The following EYS variants were observed in gnomAD, a reference collection of about 807,000 sequenced individuals.
EYS encodes the protein EGF-like photoreceptor maintenance factor.
Under a neutral mutation model 282.1 loss-of-function variants are expected in EYS, and 250 were observed. The ratio of observed to expected loss-of-function variants is 0.89; its 90% CI spans 0.80 to 0.98. The LOEUF is 0.98. Ranked by LOEUF, EYS falls within the 50% of genes least tolerant of loss-of-function variation. The pLI, the probability that EYS is intolerant of heterozygous loss-of-function variation, is 0.00. For missense variants in EYS, 4,016 were observed against 3,709.0 expected, an observed-to-expected ratio of 1.08 and a Z score of -2.15; for synonymous variants, 1,355 against 1,282.9, an observed-to-expected ratio of 1.06 and a Z score of -1.20.
At position 63,720,421 on chromosome 6, in the gene EYS, A is replaced by G. The variant is rs531684186; in HGVS notation, c.*175T>C. 1.9e-6 allele frequency: 1 copy of G among 540,036 alleles called. No individual in the cohort carries two copies. The highest frequency in any genetic ancestry group is 3.5e-5 in the South Asian group (1 of 28,900). The allele number at this position is 540,036 out of a possible 1,614,324, so 33.5% of individuals were successfully genotyped here. On this transcript the variant is annotated 3_prime_UTR_variant, in exon 43 of 43. Coordinates refer to ENST00000503581, the MANE Select transcript of EYS (RefSeq NM_001142800.2). ...TATACAGATAAATTAGATGTAGGAA[A>G]AACAATCAGAACCTTCAGTGACATT...
intron 31 of EYS, among the ~76,000 whole-genome samples, chr6:64,162,048 C>A (rs765098096): frequency 6.8e-4 from 103 of 152,208 alleles, no homozygotes; most frequent in Non-Finnish European, 1.0e-3. Context: ...AAAACCTATA[C>A]CCTCTTGCTC....
In EYS at chr6:65,253,852, C is replaced by T. The variant is rs901229667; in HGVS notation, c.2023+42011G>A. On this transcript the variant is annotated intron_variant, in intron 12 of 42. Transcript: ENST00000503581. ...TTTATTACGTAGTGACTTAGTCAAA[C>T]TCTAATATCCTATCTTTTTCTGATT... Among the ~76,000 whole-genome samples the T allele has an allele frequency of 2.6e-5, 4 of 151,704 alleles. No individual in the cohort carries two copies. The East Asian group carries it at 5.8e-4, about 22-fold the overall frequency.
intron 5 of EYS, among the ~76,000 whole-genome samples, chr6:65,473,099 T>G (rs1174875033): frequency 1.3e-5 from 2 of 152,002 alleles, no homozygotes; most frequent in East Asian, 3.9e-4. Context: ...GTGAATATAT[T>G]ACATCAGGCT....
intron 39 of EYS, 160 bp from the exon 40 acceptor site, chr6:63,778,340 T>G: frequency 1.3e-6 from 1 of 753,218 alleles, no homozygotes; most frequent in Admixed American, 2.9e-5. Context: ...CAGAGAAATT[T>G]TTTTTTAAAA....
intron 26 of EYS, among the ~76,000 whole-genome samples, chr6:64,494,428 G>T (rs1468438012): frequency 6.6e-6 from 1 of 151,622 alleles, no homozygotes; most frequent in African/African-American, 2.4e-5. Flanking sequence ...ACCCAGGACT[G>T]TACCCTTCAT....
chr6:64,850,094 A>G (rs1583221166), intron 19 of EYS, among the ~76,000 whole-genome samples: 1 of 152,086 alleles, frequency 6.6e-6, no homozygotes, highest in Admixed American at 6.6e-5. Flanking sequence ...TATATCTTCC[A>G]TGAACAATTG....
At chr6:65,581,971 T>C (rs1207402705) in intron 2 of EYS, among the ~76,000 whole-genome samples, 1 of 151,570 alleles carries the variant, frequency 6.6e-6, no homozygotes, top group Non-Finnish European at 1.5e-5. Context: ...CAGCAGATCA[T>C]GAGGTGAGGA....
At chr6:65,037,415 A>G (rs1772802716) in intron 13 of EYS, among the ~76,000 whole-genome samples, 1 of 151,786 alleles carries the variant, frequency 6.6e-6, no homozygotes, top group Admixed American at 6.6e-5. Context: ...CCTCCATGAC[A>G]CACAATTTTC....
intron 41 of EYS, among the ~76,000 whole-genome samples, chr6:63,748,275 C>T (rs569165417): frequency 2.0e-5 from 3 of 152,228 alleles, no homozygotes; most frequent in East Asian, 3.9e-4. Context: ...TGTTGATGGA[C>T]AGTTAGGTTG....
In EYS at chr6:65,517,462, T is replaced by A. The variant is rs1767184948; in HGVS notation, c.-332-21469A>T. On this transcript the variant is annotated intron_variant, in intron 2 of 42. Transcript: ENST00000503581. ...CACAATGAATTAATCTGCCTTTACA[T>A]CCAAGCTAATAAAATTACGGTTGAA... Among the ~76,000 whole-genome samples, 5 of 152,088 alleles carry A rather than the reference T, an allele frequency of 3.3e-5. No individual in the cohort carries two copies. The South Asian group carries it at 1.0e-3, about 32-fold the overall frequency.
chr6:64,852,334 G>GA (rs1765911894), intron 19 of EYS, among the ~76,000 whole-genome samples: 1 of 152,126 alleles, frequency 6.6e-6, no homozygotes, highest in African/African-American at 2.4e-5. Context: ...AAAGCAGGCA[G>GA]AAAAATGTAA....
At chr6:65,655,265 T>C (rs1767781679) in intron 1 of EYS, among the ~76,000 whole-genome samples, 1 of 151,612 alleles carries the variant, frequency 6.6e-6, no homozygotes, top group African/African-American at 2.4e-5. Context: ...GCATAACTGC[T>C]CACCACTTAA....
chr6:64,452,957 T>A (rs1413806293), intron 26 of EYS, among the ~76,000 whole-genome samples: 2 of 152,184 alleles, frequency 1.3e-5, no homozygotes, highest in Non-Finnish European at 2.9e-5. Context: ...GGGCAAGGAC[T>A]TCATGTCTAA....
chr6:64,610,966 C>G (rs759264372), intron 24 of EYS, among the ~76,000 whole-genome samples: 3 of 152,138 alleles, frequency 2.0e-5, no homozygotes, highest in Non-Finnish European at 4.4e-5. Context: ...ACACACATCC[C>G]TCCATCTTTT....
At chr6:65,290,063 T>C (rs1170522888) in intron 12 of EYS, among the ~76,000 whole-genome samples, 2 of 151,080 alleles carry the variant, frequency 1.3e-5, no homozygotes, top group Non-Finnish European at 3.0e-5. Context: ...ATAAGAAACT[T>C]TAATTTAATA....
At chr6:64,837,568 T>C (rs1765422141) in intron 19 of EYS, among the ~76,000 whole-genome samples, 1 of 149,136 alleles carries the variant, frequency 6.7e-6, no homozygotes, top group Non-Finnish European at 1.5e-5. Flanking sequence ...TCAGATGACA[T>C]ATATATATAA....
At chr6:64,516,442 CTTAAAATAAA>C (rs543371079) in intron 26 of EYS, among the ~76,000 whole-genome samples, 9 of 151,874 alleles carry the variant, frequency 5.9e-5, no homozygotes, top group African/African-American at 1.7e-4. Context: ...TACCCCTGAA[CTTAAAATAAA>C]AGTTAAATAA....
At chr6:64,860,863 G>T (rs1382688724) in intron 19 of EYS, among the ~76,000 whole-genome samples, 9 of 152,218 alleles carry the variant, frequency 5.9e-5, no homozygotes, top group Non-Finnish European at 1.0e-4. Flanking sequence ...ACAGTGGATA[G>T]CTCCTCTTAG....
intron 29 of EYS, among the ~76,000 whole-genome samples, chr6:64,342,096 T>C (rs1329261568): frequency 6.6e-6 from 1 of 151,582 alleles, no homozygotes; most frequent in Non-Finnish European, 1.5e-5. Flanking sequence ...TGTAAAAATA[T>C]TGTATATAGT....
Sources: allele counts gnomAD v4.1 joint callset (sites outside exome capture counted in the v4.1 genomes callset), GRCh38; gene constraint gnomAD v4.1.1; transcripts MANE v1.5; gene names NCBI Gene and HGNC (gene_info 2026-07-23, HGNC 2026-07-21).